SMYD1: variants seen among roughly 807,000 people sequenced by gnomAD.
SMYD1 encodes SET and MYND domain containing 1.
A neutral mutation model predicts 54.0 loss-of-function variants in SMYD1; 49 were observed. The observed-to-expected ratio is 0.91, with a 90% CI of 0.72 to 1.15. SMYD1 has a LOEUF of 1.15. SMYD1 is among the 50% of genes most tolerant of loss of function. The probability of loss-of-function intolerance (pLI) is 0.00; values close to 1 mark genes in which losing one functional copy is unlikely to be tolerated. For synonymous variants in SMYD1, 269 were observed against 234.2 expected (o/e 1.15, Z -1.36); for missense variants, 653 against 639.6 (o/e 1.02, Z -0.23).
chr2:88,087,262 G>A (rs1016748841), intron 2 of SMYD1, among the ~76,000 whole-genome samples: 7 of 151,960 alleles, frequency 4.6e-5, no homozygotes, highest in Admixed American at 1.3e-4. Flanking sequence ...AGTAAGAAGT[G>A]GAAACAGGTC....
At chr2:88,099,445 T>C (rs1674671508) in intron 6 of SMYD1, among the ~76,000 whole-genome samples, 1 of 152,072 alleles carries the variant, frequency 6.6e-6, no homozygotes, top group African/African-American at 2.4e-5. Context: ...ATGTGCCAGG[T>C]CGGGTGCGGT....
chr2:88,068,585 C>G (rs1673881187), intron 1 of SMYD1, among the ~76,000 whole-genome samples: 1 of 149,898 alleles, frequency 6.7e-6, no homozygotes, highest in South Asian at 2.1e-4. Context: ...CTGCACTTAA[C>G]AAGATGGATG....
At chr2:88,103,215 GAGGGAAGTGGCGTGAGAACGGGCGGC>G in intron 7 of SMYD1, 65 bp downstream of exon 7, 1 of 1,413,082 alleles carries the variant, frequency 7.1e-7, no homozygotes, top group Non-Finnish European at 9.9e-7. Flanking sequence ...TCCAGTAAGG[GAGGGAAGTGGCGTGAGAACGGGCGGC>G]GGGGGAGGGG....
At chr2:88,086,625 C>A (rs1205374795) in intron 2 of SMYD1, among the ~76,000 whole-genome samples, 6 of 152,216 alleles carry the variant, frequency 3.9e-5, no homozygotes, top group Non-Finnish European at 7.3e-5. Context: ...GCCTCGAGGC[C>A]TCCGCTCACA....
intron 5 of SMYD1, among the ~76,000 whole-genome samples, chr2:88,096,146 G>A (rs1202100828): frequency 6.6e-6 from 1 of 152,216 alleles, no homozygotes; most frequent in Non-Finnish European, 1.5e-5. Context: ...AAGGTTGTGG[G>A]TAACCGAATG....
At chr2:88,081,864 T>G (rs562667715) in intron 1 of SMYD1, among the ~76,000 whole-genome samples, 3 of 152,294 alleles carry the variant, frequency 2.0e-5, no homozygotes, top group South Asian at 2.1e-4. Flanking sequence ...AATTGTGAAG[T>G]GTTGACACCC....
chr2:88,098,916 A>G (rs1346868441), intron 6 of SMYD1, among the ~76,000 whole-genome samples: 3 of 152,274 alleles, frequency 2.0e-5, no homozygotes, highest in African/African-American at 7.2e-5. Flanking sequence ...AATCTTTCCT[A>G]GCTCCTTAAT....
In SMYD1 at chr2:88,104,156, A is replaced by C. The variant is rs183323407; in HGVS notation, c.981+1006A>C. 4.4e-3 allele frequency among the ~76,000 whole-genome samples: 671 copies of C among 152,068 alleles called. 4 individuals are homozygous for C. Among genetic ancestry groups the C allele is most frequent in the Middle Eastern group, 6.8e-3 (2 of 294 alleles). ...TAATTTTTTGTACTTTCAGTAGAGA[A>C]GGGGTTTCACCATGTTAGCCAGGAT... On this transcript the variant is annotated intron_variant, in intron 7 of 9. Transcript: ENST00000419482.
intron 6 of SMYD1, among the ~76,000 whole-genome samples, chr2:88,100,563 T>C: frequency 6.6e-6 from 1 of 152,126 alleles, no homozygotes; most frequent in East Asian, 1.9e-4. Context: ...GAAATGTAGG[T>C]TTGACAGATT....
Position 88,111,985 on chromosome 2 carries a change from C to A in SMYD1, c.*1473C>A, listed in dbSNP as rs534507737. The stretch of plus-strand genomic sequence containing the variant: ...TTCTCCATCCTCACCACATGATGAC[C>A]TGCTGTGTCCCTCTGAGCACTACCC... On this transcript the variant is annotated 3_prime_UTR_variant, in exon 10 of 10. Coordinates refer to ENST00000419482, the MANE Select transcript of SMYD1 (RefSeq NM_198274.4). 4.3e-6 allele frequency: 3 copies of A among 691,814 alleles called. No homozygotes were observed. The highest frequency in any genetic ancestry group is 7.9e-6 in the Non-Finnish European group (3 of 377,664). 42.9% of individuals were successfully genotyped at this position (691,814 alleles called of 1,614,324 possible). A position where few individuals can be genotyped will look rare whatever the true frequency, so the allele number is the denominator to read the frequency against.
intron 6 of SMYD1, 28 bp downstream of exon 6, chr2:88,096,812 T>C (rs1558855590): frequency 1.3e-6 from 2 of 1,598,192 alleles, no homozygotes; most frequent in Non-Finnish European, 1.7e-6. Context: ...GCTGAGGTGT[T>C]TGTGTCTGTC....
chr2:88,074,369 C>T (rs779913172), intron 1 of SMYD1, among the ~76,000 whole-genome samples: 5 of 152,236 alleles, frequency 3.3e-5, no homozygotes, highest in Admixed American at 6.5e-5. Context: ...AGCAGTGTAA[C>T]ATCTTGTTCC....
intron 1 of SMYD1, 36 bp from the exon 2 acceptor site, chr2:88,084,280 T>G: frequency 6.5e-7 from 1 of 1,530,960 alleles, no homozygotes; most frequent in South Asian, 1.2e-5. Context: ...CTTTCCACTG[T>G]GCTCCCAATC....
intron 4 of SMYD1, among the ~76,000 whole-genome samples, chr2:88,093,132 A>G (rs542796406): frequency 5.3e-5 from 8 of 152,338 alleles, no homozygotes; most frequent in African/African-American, 1.4e-4. Flanking sequence ...ACAGACATCC[A>G]AAGAGGCAAT....
In SMYD1 at chr2:88,079,961, G is replaced by A. The variant is rs1674152350; in HGVS notation, c.138-4355G>A. 2.6e-5 allele frequency among the ~76,000 whole-genome samples: 4 copies of A among 152,186 alleles called. No homozygotes were observed. The South Asian group carries it at 8.3e-4, about 32-fold the overall frequency. On this transcript the variant is annotated intron_variant, in intron 1 of 9. Coordinates refer to ENST00000419482, the MANE Select transcript of SMYD1 (RefSeq NM_198274.4). ...GTCTAAGTTCTGAAAAACTGCTCTT[G>A]GGTAAACCTCATTTTAGCACATTTT...
Position 88,106,348 on chromosome 2 carries a change from C to T in SMYD1, c.1005C>T (p.Cys335=), listed in dbSNP as rs1227520251. The T allele has an allele frequency of 6.2e-7, 1 of 1,614,110 alleles. No homozygotes were observed. Among genetic ancestry groups the T allele is most frequent in the Non-Finnish European group, 8.5e-7 (1 of 1,180,014 alleles). The change falls in exon 8 of 10, where the codon TGC becomes TGT. Residue 335 remains cysteine (C), a synonymous_variant. Transcript: ENST00000419482. ...AGGTTGTGAAATTATGCCGGGAGTG[C>T]CTGGAGAAGCAGGAGCCAGTGTTTG... ...YHEVVKLCRE[C]LEKQEPVFAD...
At chr2:88,108,277 G>C (rs1674928770) in intron 8 of SMYD1, 94 bp from the exon 9 acceptor site, 1 of 1,271,116 alleles carries the variant, frequency 7.9e-7, no homozygotes, top group Admixed American at 3.1e-5. Context: ...AGACAGATGG[G>C]CTTAATCAAC....
intron 7 of SMYD1, among the ~76,000 whole-genome samples, chr2:88,105,562 T>C (rs528824493): frequency 2.5e-4 from 38 of 152,318 alleles, no homozygotes; most frequent in African/African-American, 8.2e-4. Context: ...TAATACTATG[T>C]AAATGCTGTG....
At chr2:88,070,389 G>A (rs1252585175) in intron 1 of SMYD1, among the ~76,000 whole-genome samples, 1 of 151,946 alleles carries the variant, frequency 6.6e-6, no homozygotes, top group Non-Finnish European at 1.5e-5. Flanking sequence ...CACAAATGTG[G>A]AGAAAGATTT....
Sources: allele counts gnomAD v4.1 joint callset (sites outside exome capture counted in the v4.1 genomes callset), GRCh38; gene constraint gnomAD v4.1.1; transcripts MANE v1.5; gene names NCBI Gene and HGNC (gene_info 2026-07-23, HGNC 2026-07-21).